LUZP2: variants seen among roughly 807,000 people sequenced by gnomAD.
The protein encoded by LUZP2 is leucine zipper protein 2.
In LUZP2, 52 loss-of-function variants were observed where a neutral mutation model predicts 51.6. The observed-to-expected ratio is 1.01, with a 90% CI of 0.81 to 1.27. The LOEUF is 1.27. Ranked by LOEUF, LUZP2 falls within the 50% of genes most tolerant of loss-of-function variation. The pLI is 0.00. For synonymous variants in LUZP2, 154 were observed against 137.3 expected (o/e 1.12, Z -0.85); for missense variants, 436 against 395.4 (o/e 1.10, Z -0.87).
At chr11:24,840,195 C>T (rs2134197908) in intron 5 of LUZP2, among the ~76,000 whole-genome samples, 1 of 151,774 alleles carries the variant, frequency 6.6e-6, no homozygotes, top group South Asian at 2.1e-4. Flanking sequence ...CAATTAATAC[C>T]TTTCTTATTC....
At chr11:24,935,555 C>T (rs901020088) in intron 7 of LUZP2, among the ~76,000 whole-genome samples, 2 of 151,996 alleles carry the variant, frequency 1.3e-5, no homozygotes, top group African/African-American at 4.8e-5. Flanking sequence ...CATTTGAGTG[C>T]CCTGGAATTA....
intron 7 of LUZP2, among the ~76,000 whole-genome samples, chr11:24,935,977 G>A (rs751323855): frequency 2.0e-5 from 3 of 151,888 alleles, no homozygotes; most frequent in East Asian, 3.9e-4. Context: ...TTCCCTTTTT[G>A]TCGTGAATGG....
Position 25,023,826 on chromosome 11 carries a change from A to C in LUZP2, c.766-26212A>C, listed in dbSNP as rs367622037. ...TTAAATGTGTCCCAGAGATTCTGCT[A>C]TGTTGTGTCTTTGTTCTCATTGGTT... On this transcript the variant is annotated intron_variant, in intron 9 of 11. Coordinates refer to ENST00000336930, the MANE Select transcript of LUZP2 (RefSeq NM_001009909.4). 9.9e-5 allele frequency among the ~76,000 whole-genome samples: 15 copies of C among 152,186 alleles called. No homozygotes were observed. The South Asian group carries it at 2.9e-3, about 29-fold the overall frequency.
chr11:24,687,309 T>C (rs1856926366), intron 1 of LUZP2, among the ~76,000 whole-genome samples: 1 of 152,188 alleles, frequency 6.6e-6, no homozygotes, highest in Non-Finnish European at 1.5e-5. Context: ...ATTTTATCAG[T>C]CTTTGAATTT....
chr11:24,631,527 T>A (rs1854888765), intron 1 of LUZP2, among the ~76,000 whole-genome samples: 1 of 152,024 alleles, frequency 6.6e-6, no homozygotes, highest in African/African-American at 2.4e-5. Context: ...CATTTATTGA[T>A]TTACGTATGT....
At chr11:24,543,246 G>T (rs566597651) in intron 1 of LUZP2, among the ~76,000 whole-genome samples, 1 of 150,256 alleles carries the variant, frequency 6.7e-6, no homozygotes. Context: ...TCTGCGAAAG[G>T]TATACCTTCA....
chr11:25,019,480 CCTT>C (rs1199105132), intron 9 of LUZP2, among the ~76,000 whole-genome samples: 1 of 151,910 alleles, frequency 6.6e-6, no homozygotes, highest in Non-Finnish European at 1.5e-5. Context: ...CAATTTATCT[CCTT>C]ATTTATGAAT....
chr11:24,738,185 A>C (rs758776737), intron 3 of LUZP2, 36 bp from the exon 4 acceptor site: 1 of 1,362,942 alleles, frequency 7.3e-7, no homozygotes. Flanking sequence ...GAATTATATT[A>C]TTTTCTCACT....
At chr11:24,535,629 T>C in intron 1 of LUZP2, among the ~76,000 whole-genome samples, 1 of 151,568 alleles carries the variant, frequency 6.6e-6, no homozygotes, top group Non-Finnish European at 1.5e-5. Flanking sequence ...ATTCCACTTC[T>C]AATTTTATTT....
intron 9 of LUZP2, among the ~76,000 whole-genome samples, chr11:25,039,762 A>G (rs2134004297): frequency 6.6e-6 from 1 of 152,280 alleles, no homozygotes; most frequent in South Asian, 2.1e-4. Flanking sequence ...GTTGGAACAG[A>G]TTATTTTTTT....
intron 9 of LUZP2, among the ~76,000 whole-genome samples, chr11:25,004,478 A>G (rs956747269): frequency 6.6e-6 from 1 of 152,070 alleles, no homozygotes; most frequent in Non-Finnish European, 1.5e-5. Context: ...GCCAGGTTTA[A>G]TAATGCCTCC....
At chr11:25,036,414 A>G (rs749181708) in intron 9 of LUZP2, among the ~76,000 whole-genome samples, 3 of 152,006 alleles carry the variant, frequency 2.0e-5, no homozygotes, top group South Asian at 2.1e-4. Context: ...ATTTTTTTGA[A>G]GAACCAACTC....
intron 7 of LUZP2, among the ~76,000 whole-genome samples, chr11:24,933,785 T>C (rs866933306): frequency 3.9e-5 from 6 of 152,150 alleles, no homozygotes; most frequent in Non-Finnish European, 5.9e-5. Flanking sequence ...ATTACCTGGG[T>C]GCAGGAGGGT....
intron 7 of LUZP2, among the ~76,000 whole-genome samples, chr11:24,931,254 TAAAATAAAATAAAATAAAAA>T (rs1439832614): frequency 1.1e-5 from 1 of 91,442 alleles, no homozygotes; most frequent in Non-Finnish European, 2.7e-5. Flanking sequence ...TAAAATAAAA[TAAAATAAAATAAAATAAAAA>T]GTTCTTTTTT....
intron 5 of LUZP2, among the ~76,000 whole-genome samples, chr11:24,826,197 A>ATATATATG (rs1287180477): frequency 1.7e-4 from 23 of 138,750 alleles, no homozygotes; most frequent in Non-Finnish European, 3.6e-4. Flanking sequence ...AAAAATATAT[A>ATATATATG]TATATATATA....
Position 25,079,876 on chromosome 11 carries a change from T to A in LUZP2, c.*1218T>A, listed in dbSNP as rs560507433. On this transcript the variant is annotated 3_prime_UTR_variant, in exon 12 of 12. Transcript: ENST00000336930. ...GATCTGTCAAACCACAATATATACA[T>A]TTGGATCAGTGTATCCTAGGAGACA... 3 of 152,258 alleles carry A rather than the reference T, an allele frequency of 2.0e-5. No individual in the cohort carries two copies. Among genetic ancestry groups the A allele is most frequent in the East Asian group, 3.9e-4 (2 of 5,164 alleles). The allele number at this position is 152,258 out of a possible 1,614,324, so 9.4% of individuals were successfully genotyped here.
chr11:24,690,809 A>G (rs905658736), intron 1 of LUZP2, among the ~76,000 whole-genome samples: 1 of 152,100 alleles, frequency 6.6e-6, no homozygotes, highest in Non-Finnish European at 1.5e-5. Flanking sequence ...CAGGAACTGA[A>G]CATGTTCTAG....
chr11:24,827,681 G>C (rs1052470876), intron 5 of LUZP2, among the ~76,000 whole-genome samples: 2 of 152,120 alleles, frequency 1.3e-5, no homozygotes, highest in Admixed American at 1.3e-4. Flanking sequence ...GACCAGGCAA[G>C]GGCTTGTGGT....
At chr11:24,848,714 C>A (rs1299804917) in intron 5 of LUZP2, among the ~76,000 whole-genome samples, 1 of 152,066 alleles carries the variant, frequency 6.6e-6, no homozygotes, top group Non-Finnish European at 1.5e-5. Context: ...ATCATTTTAG[C>A]CCTGACAATG....
Sources: allele counts gnomAD v4.1 joint callset (sites outside exome capture counted in the v4.1 genomes callset), GRCh38; gene constraint gnomAD v4.1.1; transcripts MANE v1.5; gene names NCBI Gene and HGNC (gene_info 2026-07-23, HGNC 2026-07-21).